Variants in MAPK14 observed in about 807,000 individuals in gnomAD.
MAPK14 encodes mitogen-activated protein kinase 14, also known as CSAID-binding protein.
Under a neutral mutation model 49.6 loss-of-function variants are expected in MAPK14, and 16 were observed. The ratio of observed to expected loss-of-function variants is 0.32; its 90% CI spans 0.22 to 0.49. The LOEUF is 0.49. MAPK14 is among the 20% of genes least tolerant of loss of function. The pLI is 0.99. For missense variants in MAPK14, 200 were observed against 441.2 expected, an observed-to-expected ratio of 0.45 and a Z score of 4.90; for synonymous variants, 142 against 158.0, an observed-to-expected ratio of 0.90 and a Z score of 0.76.
chr6:36,107,445 G>C lies in MAPK14; in HGVS notation c.842-10G>C. The C allele has an allele frequency of 6.6e-7, 1 of 1,521,078 alleles. No homozygotes were observed. Among genetic ancestry groups the C allele is most frequent in the South Asian group, 1.3e-5 (1 of 74,816 alleles). The allele number at this position is 1,521,078 out of a possible 1,614,324, so 94.2% of individuals were successfully genotyped here. A position where few individuals can be genotyped will look rare whatever the true frequency, so the allele number is the denominator to read the frequency against. On this transcript the variant is annotated splice_polypyrimidine_tract_variant and intron_variant, in intron 10 of 11. Coordinates refer to ENST00000229794, the MANE Select transcript of MAPK14 (RefSeq NM_139012.3). The surrounding 1 kb of genome is among the most constrained non-coding windows in gnomAD (Gnocchi z 4.3). ...AAAACTCTTTTCCTTCCTGTCTATG[G>C]TACTGATAGCTGTCGACTTGCTGGA...
Position 36,075,467 on chromosome 6 carries a change from G to A in MAPK14, c.496-381G>A, listed in dbSNP as rs537479488. Among the ~76,000 whole-genome samples, 13 of 152,002 alleles carry A rather than the reference G, an allele frequency of 8.6e-5. No homozygotes were observed. In the South Asian group the frequency reaches 2.7e-3, roughly 31 times the overall value. On this transcript the variant is annotated intron_variant, in intron 6 of 11. Coordinates refer to ENST00000229794, the MANE Select transcript of MAPK14 (RefSeq NM_139012.3). ...GTCAGTGGTTTCTTCCTTTTTATTG[G>A]TAATAGTATTTTGTTTTATGAACAT...
At chr6:36,092,285 C>T in intron 8 of MAPK14, 1 of 587,974 alleles carries the variant, frequency 1.7e-6, no homozygotes, top group East Asian at 4.5e-5. Flanking sequence ...TCAGCAGCGT[C>T]CCCTTTGTAG....
intron 1 of MAPK14, among the ~76,000 whole-genome samples, chr6:36,047,190 G>T (rs1339269687): frequency 1.3e-5 from 2 of 152,236 alleles, no homozygotes; most frequent in African/African-American, 4.8e-5. Flanking sequence ...GAAGGAGTCA[G>T]TGAGGGTGTT....
the MAPK14 span, among the ~76,000 whole-genome samples, chr6:36,123,348 A>C: frequency 6.6e-6 from 1 of 152,206 alleles, no homozygotes; most frequent in Non-Finnish European, 1.5e-5. Context: ...TGGGGGCCCC[A>C]CAAGGATGAG....
At chr6:36,080,860 T>C (rs1764730586) in intron 8 of MAPK14, among the ~76,000 whole-genome samples, 1 of 152,126 alleles carries the variant, frequency 6.6e-6, no homozygotes, top group African/African-American at 2.4e-5. Flanking sequence ...TTTTTTTTTT[T>C]TAATAGTCAC....
chr6:36,101,630 C>T (rs1765642248), intron 9 of MAPK14, among the ~76,000 whole-genome samples: 1 of 152,046 alleles, frequency 6.6e-6, no homozygotes, highest in Non-Finnish European at 1.5e-5. Context: ...CCTGTTACCT[C>T]AGTCTCCCAA....
At chr6:36,082,510 G>A (rs1233583478) in intron 8 of MAPK14, among the ~76,000 whole-genome samples, 1 of 152,224 alleles carries the variant, frequency 6.6e-6, no homozygotes, top group Non-Finnish European at 1.5e-5. Flanking sequence ...AAGAAGCATT[G>A]TGCCAGCATC....
the MAPK14 span, among the ~76,000 whole-genome samples, chr6:36,120,217 A>C: frequency 6.6e-6 from 1 of 152,230 alleles, no homozygotes; most frequent in Admixed American, 6.5e-5. Context: ...AATGTAGAGC[A>C]CTTAGAACAG....
the MAPK14 span, among the ~76,000 whole-genome samples, chr6:36,119,200 C>T: frequency 5.9e-5 from 9 of 152,152 alleles, no homozygotes; most frequent in African/African-American, 2.2e-4. Flanking sequence ...GCTAGATAGA[C>T]ACTTTCCTCC....
intron 7 of MAPK14, 43 bp downstream of exon 7, chr6:36,076,005 G>T (rs1317546579): frequency 2.5e-6 from 4 of 1,599,126 alleles, no homozygotes; most frequent in Non-Finnish European, 3.4e-6. Context: ...TTAATTCCAT[G>T]TTGGATGCAT....
chr6:36,039,902 A>G (rs889955157), intron 1 of MAPK14, among the ~76,000 whole-genome samples: 1 of 151,846 alleles, frequency 6.6e-6, no homozygotes, highest in Non-Finnish European at 1.5e-5. Flanking sequence ...AGGCTGAGGC[A>G]CAAGAATCAC....
intron 1 of MAPK14, 88 bp from the exon 2 acceptor site, chr6:36,052,611 T>G: frequency 7.8e-7 from 1 of 1,288,986 alleles, no homozygotes; most frequent in African/African-American, 1.5e-5. Context: ...TTATAGACCC[T>G]TTAATTTGGA....
At chr6:36,058,578 C>G (rs1003087262) in intron 2 of MAPK14, among the ~76,000 whole-genome samples, 1 of 152,126 alleles carries the variant, frequency 6.6e-6, no homozygotes, top group Admixed American at 6.6e-5. Context: ...ACTGAGGTAG[C>G]TGGTTTTGAA....
rs201314635 is a variant in MAPK14, at chr6:36,028,183, A to G, written c.26A>G (p.Tyr9Cys). 1 of 1,613,486 alleles carries G rather than the reference A, an allele frequency of 6.2e-7. No homozygotes were observed. Among genetic ancestry groups the G allele is most frequent in the Non-Finnish European group, 8.5e-7 (1 of 1,179,636 alleles). The change falls in exon 1 of 12, where the codon TAC becomes TGC. Residue 9 changes from tyrosine to cysteine, a missense_variant. Physicochemically the swap from Tyr to Cys is radical, Grantham distance 194. This residue lies in a region of MAPK14 where 30 missense variants were observed against 34.2 expected (regional missense o/e 0.88). Transcript: ENST00000229794. The surrounding 1 kb of genome is among the most constrained non-coding windows in gnomAD (Gnocchi z 5.1). MSQERPTF[Y>C]RQELNKTIWE... ...ATGTCTCAGGAGAGGCCCACGTTCTACCGGCAGGAGCTGAACAAGACAATC... is the reference window on the plus strand; with the variant it reads ...ATGTCTCAGGAGAGGCCCACGTTCTGCCGGCAGGAGCTGAACAAGACAATC...
At position 36,054,419 on chromosome 6, in the gene MAPK14, T is replaced by C. The variant is rs148321182; in HGVS notation, c.246+1591T>C. ...TTTCTTCATAAATATGTTAAGCCAA[T>C]GTTTAGGGATCATGGTATTAGAAAA... On this transcript the variant is annotated intron_variant, in intron 2 of 11. Transcript: ENST00000229794. 7.4e-3 allele frequency among the ~76,000 whole-genome samples: 1,129 copies of C among 152,314 alleles called. 14 individuals are homozygous for C. Among genetic ancestry groups the C allele is most frequent in the African/African-American group, 0.026 (1,061 of 41,556 alleles).
intron 1 of MAPK14, among the ~76,000 whole-genome samples, chr6:36,042,670 T>C (rs1412287617): frequency 6.6e-6 from 1 of 151,668 alleles, no homozygotes; most frequent in Non-Finnish European, 1.5e-5. Flanking sequence ...TTTTTTTTTT[T>C]TTTCGTAGAC....
At chr6:36,073,760 G>A in intron 5 of MAPK14, 40 bp downstream of exon 5, 1 of 1,590,786 alleles carries the variant, frequency 6.3e-7, no homozygotes, top group Non-Finnish European at 8.6e-7. Context: ...TTGGGGAAGT[G>A]GGGTGAGAGT....
intron 1 of MAPK14, among the ~76,000 whole-genome samples, chr6:36,048,718 G>A (rs1231714181): frequency 6.6e-6 from 1 of 152,194 alleles, no homozygotes; most frequent in Non-Finnish European, 1.5e-5. Context: ...TCCATTTATT[G>A]AGATAACAGA....
chr6:36,033,359 C>G (rs1281012670), intron 1 of MAPK14, among the ~76,000 whole-genome samples: 2 of 151,842 alleles, frequency 1.3e-5, no homozygotes, highest in East Asian at 3.9e-4. Flanking sequence ...CTGTGTTGCC[C>G]AGGCTGGGGC....
Sources: gnomAD v4.1 joint callset for allele counts (sites outside exome capture counted in the v4.1 genomes callset) on GRCh38, gnomAD v4.1.1 for gene constraint, gnomAD v4.1.1 regional missense constraint, Gnocchi (gnomAD v3.1) non-coding constraint, MANE v1.5 for transcripts, NCBI Gene and HGNC (gene_info 2026-07-23, HGNC 2026-07-21) for gene names.